RALGPS1: variants seen among roughly 807,000 people sequenced by gnomAD.
RALGPS1 encodes the protein ras-specific guanine nucleotide-releasing factor RalGPS1.
A neutral mutation model predicts 78.8 loss-of-function variants in RALGPS1; 19 were observed. That is an observed-to-expected ratio of 0.24 (90% CI 0.17 to 0.35). The LOEUF (loss-of-function observed/expected upper bound fraction) is 0.35. Ranked by LOEUF, RALGPS1 falls within the 10% of genes least tolerant of loss-of-function variation. RALGPS1 has a pLI of 1.00. For missense variants in RALGPS1, 454 were observed against 688.3 expected, an observed-to-expected ratio of 0.66 and a Z score of 3.81; for synonymous variants, 228 against 256.3, an observed-to-expected ratio of 0.89 and a Z score of 1.06.
At chr9:127,058,079 C>T (rs1281420016) in intron 7 of RALGPS1, among the ~76,000 whole-genome samples, 1 of 152,096 alleles carries the variant, frequency 6.6e-6, no homozygotes, top group Non-Finnish European at 1.5e-5. Context: ...ACCAGTCGTG[C>T]CAAGATGAGG....
intron 5 of RALGPS1, among the ~76,000 whole-genome samples, chr9:127,038,456 A>G (rs1423041964): frequency 6.6e-6 from 1 of 152,080 alleles, no homozygotes; most frequent in East Asian, 1.9e-4. Flanking sequence ...TCCAAACCTA[A>G]TTTATCACAG....
intron 5 of RALGPS1, among the ~76,000 whole-genome samples, chr9:127,045,748 CACACACACACACAT>C (rs1214811743): frequency 0.017 from 1,791 of 104,870 alleles, 15 homozygotes; most frequent in Middle Eastern, 0.027. Context: ...CACACACACA[CACACACACACACAT>C]ACACACACAC....
intron 1 of RALGPS1, among the ~76,000 whole-genome samples, chr9:126,918,184 C>A (rs1258221501): frequency 6.6e-6 from 1 of 152,160 alleles, no homozygotes; most frequent in Non-Finnish European, 1.5e-5. Flanking sequence ...TGAACTTCAA[C>A]ATAAAAGACA....
intron 1 of RALGPS1, among the ~76,000 whole-genome samples, chr9:126,952,484 G>T (rs1259738114): frequency 6.6e-6 from 1 of 152,174 alleles, no homozygotes; most frequent in Non-Finnish European, 1.5e-5. Flanking sequence ...GAGAGGGTCA[G>T]GAGGAGGTAG....
At chr9:127,008,009 C>T (rs2044000566) in intron 4 of RALGPS1, among the ~76,000 whole-genome samples, 1 of 151,984 alleles carries the variant, frequency 6.6e-6, no homozygotes, top group African/African-American at 2.4e-5. Flanking sequence ...AAGGGTGACC[C>T]ACATAGATGC....
intron 4 of RALGPS1, among the ~76,000 whole-genome samples, chr9:127,014,754 T>A (rs531453402): frequency 1.3e-5 from 2 of 152,148 alleles, no homozygotes; most frequent in Admixed American, 6.5e-5. Context: ...GGCCCATCAT[T>A]TTTTTACAGC....
intron 8 of RALGPS1, among the ~76,000 whole-genome samples, chr9:127,139,738 G>C (rs1280604431): frequency 1.3e-5 from 2 of 152,244 alleles, no homozygotes; most frequent in African/African-American, 4.8e-5. Flanking sequence ...AGGTAGAACA[G>C]CTGCTGAGAG....
intron 8 of RALGPS1, among the ~76,000 whole-genome samples, chr9:127,105,604 G>A (rs2054141949): frequency 6.6e-6 from 1 of 152,124 alleles, no homozygotes; most frequent in African/African-American, 2.4e-5. Context: ...GTCCCCCAGG[G>A]CACTTAGCAC....
At chr9:126,989,938 G>C (rs2042133087) in intron 4 of RALGPS1, 1 of 1,550,542 alleles carries the variant, frequency 6.4e-7, no homozygotes, top group Non-Finnish European at 8.7e-7. Flanking sequence ...GAAGTCCACA[G>C]TTTCCTCCAG....
intron 1 of RALGPS1, among the ~76,000 whole-genome samples, chr9:126,951,336 G>A (rs1039960413): frequency 5.0e-4 from 74 of 147,664 alleles, no homozygotes; most frequent in African/African-American, 1.8e-3. Context: ...GCGTCATCCT[G>A]ATACCAAAGC....
rs1029051407 is a variant in RALGPS1, at chr9:127,205,422, C to T, written c.1247+6356C>T. 1.3e-5 allele frequency among the ~76,000 whole-genome samples: 2 copies of T among 152,246 alleles called. No homozygotes were observed. The highest frequency in any genetic ancestry group is 4.8e-5 in the African/African-American group (2 of 41,462). ...ACACTAAAGTCTGGCAGTTGAGGCTCCAGCCAGCAGACTGAGAGAAGTCTG... is the reference window on the plus strand; with the variant it reads ...ACACTAAAGTCTGGCAGTTGAGGCTTCAGCCAGCAGACTGAGAGAAGTCTG... On this transcript the variant is annotated intron_variant, in intron 14 of 18. Coordinates refer to ENST00000259351, the MANE Select transcript of RALGPS1 (RefSeq NM_014636.3). This position sits in a 1 kb window ranked among gnomAD's most constrained non-coding sequence, Gnocchi z 4.0.
rs4604554 is a variant in RALGPS1, at chr9:126,976,205, T to C, written c.166-1490T>C. On this transcript the variant is annotated intron_variant, in intron 3 of 18. Coordinates refer to ENST00000259351, the MANE Select transcript of RALGPS1 (RefSeq NM_014636.3). Reference sequence around the variant, plus strand: ...ACCAAATTAATGGTCCCTTATTTGCTAGCTTATGTATTGGTCAGGAACCGT... The same window carrying C: ...ACCAAATTAATGGTCCCTTATTTGCCAGCTTATGTATTGGTCAGGAACCGT... 2.1e-3 allele frequency among the ~76,000 whole-genome samples: 313 copies of C among 152,288 alleles called. 1 individual carries two copies. Among genetic ancestry groups the C allele is most frequent in the African/African-American group, 7.1e-3 (294 of 41,554 alleles).
Position 127,200,321 on chromosome 9 carries a change from T to C in RALGPS1, c.1247+1255T>C, listed in dbSNP as rs113092459. On this transcript the variant is annotated intron_variant, in intron 14 of 18. Transcript: ENST00000259351. The stretch of plus-strand genomic sequence containing the variant: ...TGAGCATGGCCTGTGCCAAGCACTG[T>C]CCTGGTGCTTTGCGTGCATGGATGT... Among the ~76,000 whole-genome samples the C allele has an allele frequency of 4.7e-3, 711 of 152,374 alleles. 4 individuals are homozygous for C. Among genetic ancestry groups the C allele is most frequent in the African/African-American group, 0.016 (669 of 41,592 alleles).
chr9:127,107,777 A>G (rs2054362952), intron 8 of RALGPS1: 1 of 858,136 alleles, frequency 1.2e-6, no homozygotes, highest in Non-Finnish European at 1.7e-6. Flanking sequence ...GCTCAGCCCA[A>G]GGGATTGCTG....
chr9:127,132,598 T>G (rs1041484605), intron 8 of RALGPS1, among the ~76,000 whole-genome samples: 1 of 152,212 alleles, frequency 6.6e-6, no homozygotes, highest in Admixed American at 6.5e-5. Flanking sequence ...CAGTCAGCAT[T>G]GCTGTCACAC....
intron 1 of RALGPS1, among the ~76,000 whole-genome samples, chr9:126,935,565 G>T (rs2036179088): frequency 1.3e-5 from 2 of 152,192 alleles, no homozygotes; most frequent in Non-Finnish European, 2.9e-5. Flanking sequence ...TAAAGTTTCT[G>T]ATGCATTTCT....
intron 3 of RALGPS1, 41 bp downstream of exon 3, chr9:126,965,992 G>A: frequency 1.4e-6 from 2 of 1,467,016 alleles, no homozygotes; most frequent in Non-Finnish European, 1.9e-6. Context: ...GGGCACCACA[G>A]CAGGGCACTA....
chr9:127,140,120 A>G (rs1027304825), intron 8 of RALGPS1, among the ~76,000 whole-genome samples: 1 of 152,074 alleles, frequency 6.6e-6, no homozygotes, highest in Non-Finnish European at 1.5e-5. Flanking sequence ...CTGTGGGAGG[A>G]AAGAAAAAGG....
Position 127,217,156 on chromosome 9 carries a change from G to A in RALGPS1, c.1645-1584G>A, listed in dbSNP as rs946580727. The A allele has an allele frequency of 2.4e-6, 3 of 1,262,608 alleles. No individual in the cohort carries two copies. The African/African-American group carries it at 4.6e-5, about 19-fold the overall frequency. The allele number at this position is 1,262,608 out of a possible 1,614,324, so 78.2% of individuals were successfully genotyped here. On this transcript the variant is annotated intron_variant, in intron 18 of 18. Transcript: ENST00000259351. The stretch of plus-strand genomic sequence containing the variant: ...GATCCAGCAGAGCACTAATGGGTCA[G>A]TTTCATGTATTGGCAGATGTGGTGT...
Sources: allele counts gnomAD v4.1 joint callset (sites outside exome capture counted in the v4.1 genomes callset), GRCh38; gene constraint gnomAD v4.1.1; non-coding constraint Gnocchi (gnomAD v3.1); transcripts MANE v1.5; gene names NCBI Gene and HGNC (gene_info 2026-07-23, HGNC 2026-07-21).